Variants in SSBP3 observed in about 807,000 individuals in gnomAD.
The protein encoded by SSBP3 is single stranded DNA binding protein 3, also known as single-stranded DNA-binding protein 3.
A neutral mutation model predicts 69.6 loss-of-function variants in SSBP3; 5 were observed. That is an observed-to-expected ratio of 0.07 (90% CI 0.04 to 0.15). The LOEUF is 0.15. Among genes scored for constraint, SSBP3 ranks in the 10% least tolerant of loss-of-function variants. The probability of loss-of-function intolerance (pLI) is 1.00; values close to 1 mark genes in which losing one functional copy is unlikely to be tolerated. For synonymous variants in SSBP3, 196 were observed against 193.4 expected (o/e 1.01, Z -0.11); for missense variants, 312 against 534.0 (o/e 0.58, Z 4.10).
At chr1:54,389,927 T>G (rs541369828) in intron 4 of SSBP3, among the ~76,000 whole-genome samples, 1 of 151,718 alleles carries the variant, frequency 6.6e-6, no homozygotes, top group Non-Finnish European at 1.5e-5. Context: ...ACCTATTAAG[T>G]CTACCTTGCC....
chr1:54,281,477 A>G lies in SSBP3; in HGVS notation c.327T>C (p.Asp109=), dbSNP rs746179923. The G allele has an allele frequency of 8.3e-6, 13 of 1,569,318 alleles. No individual in the cohort carries two copies. The South Asian group carries it at 1.5e-4, about 18-fold the overall frequency. ...GCGGGATGGGGCCTCCCGGCATCCC[A>G]TCGTTGGGGGGAATGTTGCCAAGCA... The change falls in exon 5 of 18, where the codon GAT becomes GAC. Residue 109 remains aspartate (D), a synonymous_variant. Transcript: ENST00000610401.
intron 4 of SSBP3, among the ~76,000 whole-genome samples, chr1:54,316,434 T>C (rs1440307280): frequency 6.9e-6 from 1 of 144,354 alleles, no homozygotes; most frequent in Non-Finnish European, 1.5e-5. Flanking sequence ...GGTCAGGAGA[T>C]CGAGACCATC....
intron 4 of SSBP3, among the ~76,000 whole-genome samples, chr1:54,283,272 TAAA>T (rs60875737): frequency 0.71 from 90,103 of 126,324 alleles, 30,376 homozygotes; most frequent in African/African-American, 0.78. Context: ...CCCCATCTCA[TAAA>T]AAAAAAAAAA....
In SSBP3 at chr1:54,316,955, T is replaced by C. The variant is rs568013552; in HGVS notation, c.277-35428A>G. Among the ~76,000 whole-genome samples the C allele has an allele frequency of 5.3e-5, 8 of 152,158 alleles. No homozygotes were observed. The East Asian group carries it at 1.5e-3, about 29-fold the overall frequency. ...CAGCCTCTTTTAGGAGGGCACTCAT[T>C]CCATTCATGACGATGGAGCCCTCAT... is the stretch of plus-strand genomic sequence containing the variant. On this transcript the variant is annotated intron_variant, in intron 4 of 17. Coordinates refer to ENST00000610401, the Ensembl canonical transcript of SSBP3.
chr1:54,407,128 G>T (rs1649837347), upstream of SSBP3, among the ~76,000 whole-genome samples: 1 of 152,116 alleles, frequency 6.6e-6, no homozygotes, highest in Non-Finnish European at 1.5e-5. Context: ...GCGCGAAAAT[G>T]GCCCTTGGCG....
At chr1:54,323,409 C>T (rs941731150) in intron 4 of SSBP3, among the ~76,000 whole-genome samples, 2 of 152,188 alleles carry the variant, frequency 1.3e-5, no homozygotes, top group Admixed American at 6.5e-5. Context: ...GGGAGTCAGG[C>T]CCTGGAAACC....
intron 4 of SSBP3, among the ~76,000 whole-genome samples, chr1:54,321,277 G>A (rs1027934267): frequency 2.3e-4 from 35 of 152,250 alleles, no homozygotes; most frequent in African/African-American, 3.9e-4. Context: ...CTGGTGCAGC[G>A]TGGCCAGATG....
intron 4 of SSBP3, among the ~76,000 whole-genome samples, chr1:54,313,253 G>T (rs1646036654): frequency 6.6e-6 from 1 of 151,944 alleles, no homozygotes; most frequent in Admixed American, 6.6e-5. Context: ...GTTCTCCAAA[G>T]AAGAACCTGG....
chr1:54,286,865 G>C (rs915177185), intron 4 of SSBP3: 3 of 152,226 alleles, frequency 2.0e-5, no homozygotes, highest in Non-Finnish European at 4.4e-5. Flanking sequence ...GCCGGGCATA[G>C]GGACCTTTCA....
intron 1 of SSBP3, chr1:54,413,046 T>G (rs1048777061): frequency 1.3e-5 from 2 of 151,976 alleles, no homozygotes; most frequent in Non-Finnish European, 2.9e-5. Flanking sequence ...AAGAGATGGG[T>G]GATGACCCAA....
intron 4 of SSBP3, among the ~76,000 whole-genome samples, chr1:54,394,104 C>T (rs1054307204): frequency 6.6e-6 from 1 of 152,202 alleles, no homozygotes; most frequent in African/African-American, 2.4e-5. Flanking sequence ...GAAGTTGAGG[C>T]TCAGAGGTTA....
At chr1:54,361,156 C>A (rs1436534485) in intron 4 of SSBP3, among the ~76,000 whole-genome samples, 1 of 152,156 alleles carries the variant, frequency 6.6e-6, no homozygotes. Flanking sequence ...CCTCCACAAT[C>A]CCTCACTCAC....
At chr1:54,319,268 T>C (rs956002300) in intron 4 of SSBP3, among the ~76,000 whole-genome samples, 7 of 152,108 alleles carry the variant, frequency 4.6e-5, no homozygotes, top group East Asian at 1.9e-4. Flanking sequence ...ATGAGCCAGA[T>C]AGACTTAAGA....
In SSBP3 at chr1:54,235,641, C is replaced by T. The variant is rs1345314389; in HGVS notation, c.927+3488G>A. On this transcript the variant is annotated intron_variant, in intron 14 of 17. Transcript: ENST00000610401. ...CTAATTTTCGTATTTTTAGTAGAGA[C>T]GGGGTTTCACCATGTTGGTCAGGCT... 4.6e-5 allele frequency among the ~76,000 whole-genome samples: 7 copies of T among 151,714 alleles called. No homozygotes were observed. In the Middle Eastern group the frequency reaches 0.01, roughly 221 times the overall value.
intron 4 of SSBP3, among the ~76,000 whole-genome samples, chr1:54,362,472 G>A (rs563567318): frequency 3.0e-4 from 46 of 152,328 alleles, no homozygotes; most frequent in African/African-American, 1.1e-3. Flanking sequence ...GAGCAAATGG[G>A]ATCAGAGGTA....
chr1:54,403,007 A>C (rs1649418025), intron 3 of SSBP3, among the ~76,000 whole-genome samples: 1 of 152,214 alleles, frequency 6.6e-6, no homozygotes, highest in Admixed American at 6.5e-5. Context: ...TCAGACAAGC[A>C]TCTCACTCAA....
chr1:54,294,296 T>C (rs1435394643), intron 4 of SSBP3, among the ~76,000 whole-genome samples: 1 of 151,988 alleles, frequency 6.6e-6, no homozygotes, highest in East Asian at 1.9e-4. Flanking sequence ...ACCATTTGGC[T>C]ACATCCTAAC....
At chr1:54,368,673 T>C (rs1464951060) in intron 4 of SSBP3, among the ~76,000 whole-genome samples, 1 of 152,138 alleles carries the variant, frequency 6.6e-6, no homozygotes, top group African/African-American at 2.4e-5. Context: ...TGAGAAGCCC[T>C]ACACTAAAGA....
intron 4 of SSBP3, among the ~76,000 whole-genome samples, chr1:54,314,034 G>A (rs1408937459): frequency 5.3e-5 from 8 of 152,228 alleles, no homozygotes; most frequent in African/African-American, 9.6e-5. Context: ...AAAGTGCTGG[G>A]ATTACAGGCA....
Sources: gnomAD v4.1 joint callset for allele counts (sites outside exome capture counted in the v4.1 genomes callset) on GRCh38, gnomAD v4.1.1 for gene constraint, MANE v1.5 for transcripts, NCBI Gene and HGNC (gene_info 2026-07-23, HGNC 2026-07-21) for gene names.